Variants in ADAM23 observed in about 807,000 individuals in gnomAD.
ADAM23 encodes the protein ADAM metallopeptidase domain 23, also known as disintegrin and metalloproteinase domain-containing protein 23.
In ADAM23, 33 loss-of-function variants were observed where a neutral mutation model predicts 120.1. The observed-to-expected ratio is 0.27, with a 90% CI of 0.21 to 0.37. The LOEUF is 0.37. Among genes scored for constraint, ADAM23 ranks in the 10% least tolerant of loss-of-function variants. The pLI, the probability that ADAM23 is intolerant of heterozygous loss-of-function variation, is 1.00. For synonymous variants in ADAM23, 367 were observed against 375.2 expected, an observed-to-expected ratio of 0.98 and a Z score of 0.25; for missense variants, 862 against 1,058.2, an observed-to-expected ratio of 0.81 and a Z score of 2.57.
At chr2:206,494,263 G>A (rs181989253) in intron 3 of ADAM23, among the ~76,000 whole-genome samples, 26 of 152,134 alleles carry the variant, frequency 1.7e-4, no homozygotes, top group Admixed American at 1.2e-3. Context: ...ACCAACCAAG[G>A]GATTCTTAGA....
intron 9 of ADAM23, among the ~76,000 whole-genome samples, chr2:206,550,648 C>T (rs561696002): frequency 1.1e-4 from 17 of 150,696 alleles, no homozygotes; most frequent in African/African-American, 3.9e-4. Flanking sequence ...GTCGCCCAGC[C>T]TGGAGTACAG....
chr2:206,525,385 A>G (rs1283924560), intron 3 of ADAM23, among the ~76,000 whole-genome samples: 1 of 152,190 alleles, frequency 6.6e-6, no homozygotes, highest in African/African-American at 2.4e-5. Flanking sequence ...CACTTTTTAC[A>G]ATGAAGTAAA....
chr2:206,618,371 C>G lies in ADAM23; in HGVS notation c.*744C>G, dbSNP rs929236700. ...CCATTGTGTTTTCTCCTGGACTGAG[C>G]ATCCTTTGGAAATGGGAGCTGGAAT... On this transcript the variant is annotated 3_prime_UTR_variant, in exon 26 of 26. Transcript: ENST00000264377. 1 of 152,162 alleles carries G rather than the reference C, an allele frequency of 6.6e-6. No homozygotes were observed. The highest frequency in any genetic ancestry group is 2.4e-5 in the African/African-American group (1 of 41,432). The allele number at this position is 152,162 out of a possible 1,614,324, so 9.4% of individuals were successfully genotyped here.
chr2:206,452,022 A>G (rs1446393135), intron 2 of ADAM23, among the ~76,000 whole-genome samples: 1 of 152,212 alleles, frequency 6.6e-6, no homozygotes, highest in Non-Finnish European at 1.5e-5. Flanking sequence ...AATATGGTAG[A>G]GAGTGGTGGG....
intron 14 of ADAM23, 149 bp from the exon 15 acceptor site, chr2:206,567,074 G>T: frequency 3.3e-6 from 2 of 609,166 alleles, no homozygotes; most frequent in South Asian, 2.4e-5. Context: ...TACTTAAGTG[G>T]CAATTTGAAC....
At chr2:206,615,022 C>A (rs1022369981) in intron 25 of ADAM23, among the ~76,000 whole-genome samples, 1 of 152,060 alleles carries the variant, frequency 6.6e-6, no homozygotes, top group Admixed American at 6.6e-5. Context: ...AGGGGTTGGG[C>A]TAGGGACACT....
At chr2:206,541,867 CTTG>C (rs1238681951) in intron 4 of ADAM23, among the ~76,000 whole-genome samples, 182 bp from the exon 5 acceptor site, 8 of 152,168 alleles carry the variant, frequency 5.3e-5, no homozygotes, top group Middle Eastern at 3.4e-3. Flanking sequence ...CACACACATG[CTTG>C]TTATAAAAAA....
At chr2:206,536,345 G>C (rs1032307207) in intron 4 of ADAM23, among the ~76,000 whole-genome samples, 1 of 151,966 alleles carries the variant, frequency 6.6e-6, no homozygotes, top group Non-Finnish European at 1.5e-5. Context: ...AAGCAATTGC[G>C]GTGTTCGCCA....
chr2:206,599,490 T>C (rs1193440595), intron 24 of ADAM23, among the ~76,000 whole-genome samples: 2 of 152,200 alleles, frequency 1.3e-5, no homozygotes, highest in Non-Finnish European at 2.9e-5. Flanking sequence ...CTATATCTTT[T>C]TAACCTCTAT....
At chr2:206,597,032 A>G (rs73054268) in intron 24 of ADAM23, among the ~76,000 whole-genome samples, 15,022 of 148,774 alleles carry the variant, frequency 0.1, 1,174 homozygotes, top group African/African-American at 0.21. Context: ...ATGCCTGGCT[A>G]ATTTTTTATT....
intron 24 of ADAM23, among the ~76,000 whole-genome samples, chr2:206,607,740 C>T (rs905199885): frequency 6.6e-6 from 1 of 152,058 alleles, no homozygotes; most frequent in African/African-American, 2.4e-5. Flanking sequence ...ATTTTTTTCC[C>T]CATCAAATTC....
At chr2:206,541,273 A>G (rs1436851237) in intron 4 of ADAM23, among the ~76,000 whole-genome samples, 1 of 152,152 alleles carries the variant, frequency 6.6e-6, no homozygotes, top group East Asian at 1.9e-4. Flanking sequence ...TGAAAATACA[A>G]TAATTATAGT....
At chr2:206,445,963 C>A (rs1283858374) in intron 2 of ADAM23, among the ~76,000 whole-genome samples, 2 of 152,174 alleles carry the variant, frequency 1.3e-5, no homozygotes, top group African/African-American at 4.8e-5. Context: ...CTCCATCAGT[C>A]TTTCCACTTA....
chr2:206,470,857 A>G (rs1695642879), intron 2 of ADAM23, among the ~76,000 whole-genome samples: 1 of 152,204 alleles, frequency 6.6e-6, no homozygotes, highest in African/African-American at 2.4e-5. Context: ...TTCTCTGTAG[A>G]TAAAAGGGAT....
chr2:206,469,622 A>G (rs1574483663), intron 2 of ADAM23, among the ~76,000 whole-genome samples: 2 of 152,308 alleles, frequency 1.3e-5, no homozygotes, highest in African/African-American at 4.8e-5. Flanking sequence ...TCCTCACTCA[A>G]AATTCTCAGC....
chr2:206,583,177 G>A (rs1052092346), intron 18 of ADAM23, among the ~76,000 whole-genome samples: 14 of 152,154 alleles, frequency 9.2e-5, no homozygotes, highest in Non-Finnish European at 1.2e-4. Flanking sequence ...TCCTCCGGCC[G>A]GGCACAGTGG....
chr2:206,559,201 T>G (rs1398096108), intron 10 of ADAM23, among the ~76,000 whole-genome samples: 1 of 152,104 alleles, frequency 6.6e-6, no homozygotes, highest in Non-Finnish European at 1.5e-5. Flanking sequence ...GCCTCGGCCT[T>G]CCAAAGTGCT....
At chr2:206,575,408 A>G (rs1018414927) in intron 18 of ADAM23, among the ~76,000 whole-genome samples, 5 of 152,136 alleles carry the variant, frequency 3.3e-5, no homozygotes, top group Non-Finnish European at 7.4e-5. Context: ...ATGTGGATTT[A>G]TCAGTTGATT....
At chr2:206,547,343 A>C (rs1341230646) in intron 6 of ADAM23, 86 bp from the exon 7 acceptor site, 2 of 1,032,660 alleles carry the variant, frequency 1.9e-6, no homozygotes, top group African/African-American at 3.3e-5. Flanking sequence ...CATTTTAGGA[A>C]GGACATTAGA....
Sources: gnomAD v4.1 joint callset for allele counts (sites outside exome capture counted in the v4.1 genomes callset) on GRCh38, gnomAD v4.1.1 for gene constraint, MANE v1.5 for transcripts, NCBI Gene and HGNC (gene_info 2026-07-23, HGNC 2026-07-21) for gene names.